TFRC: variants seen among roughly 807,000 people sequenced by gnomAD.
TFRC encodes transferrin receptor protein 1.
A neutral mutation model predicts 85.8 loss-of-function variants in TFRC; 35 were observed. The ratio of observed to expected loss-of-function variants is 0.41; its 90% confidence interval spans 0.31 to 0.54. The LOEUF is 0.54. Among genes scored for constraint, TFRC ranks in the 20% least tolerant of loss-of-function variants. The pLI is 0.31. For missense variants in TFRC, 828 were observed against 921.5 expected (o/e 0.90, Z 1.31); for synonymous variants, 362 against 328.6 (o/e 1.10, Z -1.10).
At chr3:196,076,314 ATTT>A (rs572366190) in intron 2 of TFRC, among the ~76,000 whole-genome samples, 1 of 149,238 alleles carries the variant, frequency 6.7e-6, no homozygotes, top group Non-Finnish European at 1.5e-5. Flanking sequence ...TTAAAATTTC[ATTT>A]TTTTTTTAAT....
At chr3:196,081,389 C>G (rs553302608) in intron 1 of TFRC, among the ~76,000 whole-genome samples, 2 of 152,366 alleles carry the variant, frequency 1.3e-5, no homozygotes, top group African/African-American at 4.8e-5. Flanking sequence ...AAACCCGTAT[C>G]TAATTAATGC....
At chr3:196,072,231 T>C in intron 4 of TFRC, 79 bp from the exon 5 acceptor site, 4 of 1,546,664 alleles carry the variant, frequency 2.6e-6, no homozygotes, top group Non-Finnish European at 2.6e-6. Flanking sequence ...AACAAATTGT[T>C]TTGAAAGCAA....
intron 7 of TFRC, 132 bp from the exon 8 acceptor site, chr3:196,068,262 T>C: frequency 1.7e-6 from 1 of 572,276 alleles, no homozygotes. Context: ...TATTTCAAAT[T>C]GTTTATCTGG....
Position 196,051,853 on chromosome 3 carries a change from T to C in TFRC, c.*89A>G, listed in dbSNP as rs1473349657. The C allele has an allele frequency of 6.7e-7, 1 of 1,481,592 alleles. No individual in the cohort carries two copies. Among genetic ancestry groups the C allele is most frequent in the Non-Finnish European group, 9.1e-7 (1 of 1,093,606 alleles). The allele number at this position is 1,481,592 out of a possible 1,614,324, so 91.8% of individuals were successfully genotyped here. ...TGGGATGGAATTTTAACATCAGGTT[T>C]TGTAGCCCTACTGAAAATTTAGCAC... On this transcript the variant is annotated 3_prime_UTR_variant, in exon 19 of 19. Coordinates refer to ENST00000360110, the MANE Select transcript of TFRC (RefSeq NM_001128148.3).
In TFRC at chr3:196,070,604, CTG is replaced by C. The variant is rs199970551; in HGVS notation, c.687+790_687+791del. On this transcript the variant is annotated intron_variant, in intron 6 of 18. Coordinates refer to ENST00000360110, the MANE Select transcript of TFRC (RefSeq NM_001128148.3). ...TATTCTATCTATCTGTTCTCTATTT[CTG>C]TGTTAATTTGACTATATTTGCCTAA... Among the ~76,000 whole-genome samples the C allele has an allele frequency of 9.1e-3, 1,386 of 151,886 alleles. 26 individuals carry two copies. Among genetic ancestry groups the C allele is most frequent in the African/African-American group, 0.032 (1,331 of 41,438 alleles).
Position 196,054,272 on chromosome 3 carries a change from G to A in TFRC, c.1900-714C>T, listed in dbSNP as rs529629056. On this transcript the variant is annotated intron_variant, in intron 17 of 18. Coordinates refer to ENST00000360110, the MANE Select transcript of TFRC (RefSeq NM_001128148.3). Reference sequence around the variant, plus strand: ...ACACAAAAACTATCTGGGCATGGTGGCACACGCCTGTAATCCCAGCTACCT... The same window carrying A: ...ACACAAAAACTATCTGGGCATGGTGACACACGCCTGTAATCCCAGCTACCT... 2.6e-5 allele frequency among the ~76,000 whole-genome samples: 4 copies of A among 152,260 alleles called. No homozygotes were observed. The South Asian group carries it at 6.2e-4, about 24-fold the overall frequency.
intron 8 of TFRC, 37 bp downstream of exon 8, chr3:196,067,995 G>A: frequency 6.5e-7 from 1 of 1,540,078 alleles, no homozygotes; most frequent in Non-Finnish European, 8.9e-7. Flanking sequence ...ACAACTCAAG[G>A]AACTCAAAAC....
rs768479499 is a variant in TFRC, at chr3:196,075,349, T to C, written c.48A>G (p.Glu16=). 1.2e-6 allele frequency: 2 copies of C among 1,614,164 alleles called. No individual in the cohort carries two copies. Among genetic ancestry groups the C allele is most frequent in the Non-Finnish European group, 8.5e-7 (1 of 1,180,006 alleles). The change falls in exon 3 of 19, where the codon GAA becomes GAG. Residue 16 remains glutamate (E), a synonymous_variant. Coordinates refer to ENST00000360110, the MANE Select transcript of TFRC (RefSeq NM_001128148.3). The part of the protein sequence containing the change: ...RSAFSNLFGG[E]PLSYTRFSLA... ...GGCTGAACCGGGTATATGACAATGG[T>C]TCTCCACCAAACTGTGTTGCGGAAA... is the stretch of plus-strand genomic sequence containing the variant.
intron 1 of TFRC, among the ~76,000 whole-genome samples, chr3:196,079,863 GA>G (rs1719022588): frequency 6.6e-6 from 1 of 152,082 alleles, no homozygotes; most frequent in Non-Finnish European, 1.5e-5. Context: ...TCTGTTCCTT[GA>G]GGTCCTCCTC....
At chr3:196,058,854 C>T (rs112756949) in intron 14 of TFRC, 101 of 313,336 alleles carry the variant, frequency 3.2e-4, no homozygotes, top group Non-Finnish European at 5.4e-4. Flanking sequence ...AAAATGTTTT[C>T]TTCTTAATTA....
At chr3:196,077,373 C>T (rs1017314544) in intron 1 of TFRC, among the ~76,000 whole-genome samples, 2 of 150,856 alleles carry the variant, frequency 1.3e-5, no homozygotes, top group South Asian at 2.2e-4. Flanking sequence ...TGGTCTTGAA[C>T]TCCTGGCCTC....
intron 4 of TFRC, 98 bp from the exon 5 acceptor site, chr3:196,072,250 C>T (rs1200587946): frequency 6.9e-7 from 1 of 1,455,082 alleles, no homozygotes; most frequent in African/African-American, 1.4e-5. Context: ...AAAATATTAT[C>T]CCTCATAGTT....
At chr3:196,055,507 T>A in intron 16 of TFRC, 3 of 593,868 alleles carry the variant, frequency 5.1e-6, no homozygotes. Flanking sequence ...ACTCCTAGAG[T>A]GACTACTTTC....
At chr3:196,075,071 G>GAAAA in intron 3 of TFRC, 88 bp downstream of exon 3, 1 of 888,732 alleles carries the variant, frequency 1.1e-6, no homozygotes, top group Non-Finnish European at 1.7e-6. Flanking sequence ...AAAAAATAAG[G>GAAAA]TACAAAATAA....
intron 9 of TFRC, among the ~76,000 whole-genome samples, chr3:196,066,561 C>A (rs1408233546): frequency 6.6e-6 from 1 of 152,204 alleles, no homozygotes; most frequent in Non-Finnish European, 1.5e-5. Flanking sequence ...AACATTATTA[C>A]TCCCCTACTA....
intron 17 of TFRC, among the ~76,000 whole-genome samples, chr3:196,054,352 C>T (rs1190092987): frequency 1.3e-5 from 2 of 152,050 alleles, no homozygotes; most frequent in Non-Finnish European, 2.9e-5. Flanking sequence ...TTGCAGTGAG[C>T]CGAGATCATG....
rs552141947 is a variant in TFRC, at chr3:196,050,749, A to C, written c.*1193T>G. On this transcript the variant is annotated 3_prime_UTR_variant, in exon 19 of 19. Transcript: ENST00000360110. The stretch of plus-strand genomic sequence containing the variant: ...TTATAACTTGGTCACAATTCACTGC[A>C]TTTAGGAAAACCAGCATTCTTATCT... 8 of 204,636 alleles carry C rather than the reference A, an allele frequency of 3.9e-5. No homozygotes were observed. The South Asian group carries it at 1.5e-3, about 39-fold the overall frequency. The allele number at this position is 204,636 out of a possible 1,614,324, so 12.7% of individuals were successfully genotyped here.
chr3:196,081,495 G>A (rs920039480), intron 1 of TFRC, among the ~76,000 whole-genome samples: 3 of 152,222 alleles, frequency 2.0e-5, no homozygotes, highest in African/African-American at 7.2e-5. Flanking sequence ...AGGTTTAGGA[G>A]CCCAAGGTCA....
chr3:196,068,747 G>A (rs112856048), intron 7 of TFRC, among the ~76,000 whole-genome samples: 28,181 of 150,732 alleles, frequency 0.19, 3,090 homozygotes, highest in Non-Finnish European at 0.25. Flanking sequence ...GGCCAACGTC[G>A]TGAAACCCTG....
Sources: allele counts gnomAD v4.1 joint callset (sites outside exome capture counted in the v4.1 genomes callset), GRCh38; gene constraint gnomAD v4.1.1; transcripts MANE v1.5; gene names NCBI Gene and HGNC (gene_info 2026-07-23, HGNC 2026-07-21).